DLG2: variants seen among roughly 807,000 people sequenced by gnomAD.
DLG2 encodes the protein disks large homolog 2.
DLG2 carries 45 observed loss-of-function variants against 132.5 expected under a neutral mutation model. The ratio of observed to expected loss-of-function variants is 0.34; its 90% confidence interval spans 0.27 to 0.44. The LOEUF is 0.44. DLG2 is among the 20% of genes least tolerant of loss of function. The pLI, the probability that DLG2 is intolerant of heterozygous loss-of-function variation, is 1.00. For synonymous variants in DLG2, 424 were observed against 419.6 expected, an observed-to-expected ratio of 1.01 and a Z score of -0.13; for missense variants, 1,045 against 1,196.9, an observed-to-expected ratio of 0.87 and a Z score of 1.87.
intron 5 of DLG2, among the ~76,000 whole-genome samples, chr11:85,116,542 A>G (rs1022970738): frequency 8.6e-5 from 13 of 152,028 alleles, no homozygotes; most frequent in Non-Finnish European, 1.9e-4. Flanking sequence ...GTATTAAAAA[A>G]TTATTCTGGC....
chr11:83,956,037 TC>T (rs1045078379), intron 14 of DLG2, among the ~76,000 whole-genome samples: 1 of 152,036 alleles, frequency 6.6e-6, no homozygotes, highest in Non-Finnish European at 1.5e-5. Context: ...TACATCCATC[TC>T]CTCTTATGCA....
chr11:84,384,466 A>G (rs2098760826), intron 7 of DLG2, among the ~76,000 whole-genome samples: 1 of 152,074 alleles, frequency 6.6e-6, no homozygotes, highest in Non-Finnish European at 1.5e-5. Context: ...TGCAAAATTA[A>G]GCTGCCCTAG....
intron 18 of DLG2, among the ~76,000 whole-genome samples, chr11:83,679,525 C>T (rs1276749699): frequency 6.6e-6 from 1 of 152,012 alleles, no homozygotes; most frequent in Admixed American, 6.6e-5. Context: ...AGGTAATAAC[C>T]CTGTTTTTAC....
chr11:83,482,459 A>T (rs2093200073), intron 22 of DLG2, among the ~76,000 whole-genome samples: 1 of 152,136 alleles, frequency 6.6e-6, no homozygotes, highest in Non-Finnish European at 1.5e-5. Context: ...TAGTATATTA[A>T]GACACAGGAT....
chr11:84,852,826 T>C (rs1269298093), intron 6 of DLG2, among the ~76,000 whole-genome samples: 1 of 151,198 alleles, frequency 6.6e-6, no homozygotes, highest in Non-Finnish European at 1.5e-5. Flanking sequence ...AACAGTTTAA[T>C]CTTCAAAATT....
rs544622136 is a variant in DLG2, at chr11:85,265,814, G to A, written c.186+19406C>T. Among the ~76,000 whole-genome samples, 9 of 152,324 alleles carry A rather than the reference G, an allele frequency of 5.9e-5. No individual in the cohort carries two copies. In the South Asian group the frequency reaches 1.9e-3, roughly 32 times the overall value. ...AGGCAACTTGACTTCGGAGGAGAGA[G>A]GCAGAGAGATAACTTGACTTCAGGG... On this transcript the variant is annotated intron_variant, in intron 4 of 27. Transcript: ENST00000376104.
At chr11:84,470,402 T>G (rs532492208) in intron 7 of DLG2, among the ~76,000 whole-genome samples, 36 of 151,848 alleles carry the variant, frequency 2.4e-4, no homozygotes, top group African/African-American at 8.7e-4. Context: ...GTACTAAAGA[T>G]CTAGAAATAA....
chr11:85,519,313 G>A (rs1444722624), intron 3 of DLG2, among the ~76,000 whole-genome samples: 1 of 152,232 alleles, frequency 6.6e-6, no homozygotes, highest in Non-Finnish European at 1.5e-5. Flanking sequence ...CAGGGGCAGA[G>A]ATGCCCAGGA....
chr11:84,514,614 T>C (rs2099267014), intron 7 of DLG2, among the ~76,000 whole-genome samples: 1 of 151,634 alleles, frequency 6.6e-6, no homozygotes, highest in Admixed American at 6.6e-5. Flanking sequence ...ATTGAACTCA[T>C]GGATTTAGGG....
intron 6 of DLG2, among the ~76,000 whole-genome samples, chr11:84,629,153 A>C (rs2099627621): frequency 6.6e-6 from 1 of 152,162 alleles, no homozygotes; most frequent in African/African-American, 2.4e-5. Flanking sequence ...CTAATCTCTG[A>C]GATATAATAG....
intron 18 of DLG2, among the ~76,000 whole-genome samples, chr11:83,686,677 A>T (rs1454494975): frequency 2.6e-5 from 4 of 152,186 alleles, no homozygotes; most frequent in Non-Finnish European, 5.9e-5. Context: ...CTGTCCCTAC[A>T]TTATAAATTT....
chr11:83,542,181 T>C (rs2096090326), intron 19 of DLG2, among the ~76,000 whole-genome samples: 1 of 152,090 alleles, frequency 6.6e-6, no homozygotes, highest in Non-Finnish European at 1.5e-5. Context: ...GAGATTTTTT[T>C]CCCCTCCCAT....
intron 6 of DLG2, among the ~76,000 whole-genome samples, chr11:85,096,447 A>G (rs2453151): frequency 0.67 from 101,192 of 151,190 alleles, 34,780 homozygotes; most frequent in East Asian, 0.95. Context: ...CACTCACTGC[A>G]AAGGGCCGCG....
At chr11:84,632,348 T>A (rs2099633554) in intron 6 of DLG2, among the ~76,000 whole-genome samples, 1 of 151,694 alleles carries the variant, frequency 6.6e-6, no homozygotes, top group Non-Finnish European at 1.5e-5. Flanking sequence ...ATATTTAAAA[T>A]CACAGGTTAT....
intron 9 of DLG2, among the ~76,000 whole-genome samples, chr11:84,134,167 C>T (rs2094518830): frequency 6.6e-6 from 1 of 152,016 alleles, no homozygotes; most frequent in South Asian, 2.1e-4. Flanking sequence ...GCCTAGGAAA[C>T]AGGCTATCAT....
At chr11:85,538,937 G>A (rs535428621) in intron 3 of DLG2, among the ~76,000 whole-genome samples, 2 of 151,814 alleles carry the variant, frequency 1.3e-5, no homozygotes, top group South Asian at 4.2e-4. Flanking sequence ...AAACACCATG[G>A]CACATATTTA....
intron 9 of DLG2, among the ~76,000 whole-genome samples, chr11:84,104,229 G>A (rs1434745094): frequency 1.3e-5 from 2 of 152,018 alleles, no homozygotes; most frequent in Non-Finnish European, 2.9e-5. Flanking sequence ...ATATACCATG[G>A]AATACTACAC....
At chr11:84,355,146 G>A (rs1273821934) in intron 7 of DLG2, among the ~76,000 whole-genome samples, 2 of 152,090 alleles carry the variant, frequency 1.3e-5, no homozygotes, top group Admixed American at 6.5e-5. Flanking sequence ...TGGCAACAGA[G>A]AACCTGTGAA....
intron 6 of DLG2, among the ~76,000 whole-genome samples, chr11:85,049,454 C>T (rs548618609): frequency 6.5e-5 from 9 of 138,456 alleles, no homozygotes; most frequent in Non-Finnish European, 1.3e-4. Flanking sequence ...GATAAAAATT[C>T]CTCAATCTGA....
Sources: allele counts gnomAD v4.1 joint callset (sites outside exome capture counted in the v4.1 genomes callset), GRCh38; gene constraint gnomAD v4.1.1; transcripts MANE v1.5; gene names NCBI Gene and HGNC (gene_info 2026-07-23, HGNC 2026-07-21).